Variants in ALPK1 observed in about 807,000 individuals in gnomAD.
The protein encoded by ALPK1 is alpha kinase 1.
A neutral mutation model predicts 120.6 loss-of-function variants in ALPK1; 110 were observed. The observed-to-expected ratio is 0.91, with a 90% CI of 0.78 to 1.07. The LOEUF (loss-of-function observed/expected upper bound fraction) is 1.07, where lower values mean the gene tolerates loss of function less well. ALPK1 is among the 50% of genes least tolerant of loss of function. The probability of loss-of-function intolerance (pLI) is 0.00; values close to 1 mark genes in which losing one functional copy is unlikely to be tolerated. For synonymous variants in ALPK1, 582 were observed against 560.3 expected, an observed-to-expected ratio of 1.04 and a Z score of -0.55; for missense variants, 1,498 against 1,483.9, an observed-to-expected ratio of 1.01 and a Z score of -0.16.
intron 3 of ALPK1, among the ~76,000 whole-genome samples, chr4:112,379,806 A>G (rs368223424): frequency 6.6e-6 from 1 of 152,338 alleles, no homozygotes; most frequent in African/African-American, 2.4e-5. Context: ...GAAGGAACTG[A>G]AATCCAGAGA....
At chr4:112,342,203 T>G (rs150681953) in intron 2 of ALPK1, among the ~76,000 whole-genome samples, 19 of 152,330 alleles carry the variant, frequency 1.2e-4, no homozygotes, top group African/African-American at 4.3e-4. Context: ...TTGTTGCTGT[T>G]GTACACAATG....
intron 1 of ALPK1, among the ~76,000 whole-genome samples, chr4:112,300,755 A>C (rs1257255432): frequency 6.6e-6 from 1 of 151,272 alleles, no homozygotes; most frequent in Non-Finnish European, 1.5e-5. Context: ...ACCTGTGTGC[A>C]AATAACCTCT....
intron 2 of ALPK1, among the ~76,000 whole-genome samples, chr4:112,373,567 C>T (rs1275101389): frequency 7.2e-5 from 11 of 152,164 alleles, no homozygotes; most frequent in African/African-American, 1.4e-4. Flanking sequence ...CAGTTCCAAC[C>T]GTCTGCACAG....
At chr4:112,304,152 A>C (rs1727917859) in intron 1 of ALPK1, among the ~76,000 whole-genome samples, 1 of 152,106 alleles carries the variant, frequency 6.6e-6, no homozygotes, top group South Asian at 2.1e-4. Flanking sequence ...TCTATCATTG[A>C]TGGACACTTG....
At chr4:112,423,825 T>C in intron 5 of ALPK1, 119 bp from the exon 6 acceptor site, 2 of 879,254 alleles carry the variant, frequency 2.3e-6, no homozygotes, top group Admixed American at 1.9e-5. Context: ...TAAAATGGAA[T>C]GCTTCCAAAG....
At chr4:112,298,066 A>G (rs1727622230) in intron 1 of ALPK1, among the ~76,000 whole-genome samples, 1 of 152,202 alleles carries the variant, frequency 6.6e-6, no homozygotes, top group South Asian at 2.1e-4. Flanking sequence ...ATGTCTATTT[A>G]GAAAAATCCT....
At chr4:112,358,618 G>T in intron 2 of ALPK1, 1 of 722,250 alleles carries the variant, frequency 1.4e-6, no homozygotes, top group Admixed American at 2.1e-5. Flanking sequence ...ACAGCGAACA[G>T]TGGGCTGGGG....
intron 12 of ALPK1, among the ~76,000 whole-genome samples, chr4:112,437,149 T>A (rs555644615): frequency 2.9e-4 from 44 of 152,022 alleles, no homozygotes; most frequent in Non-Finnish European, 6.3e-4. Flanking sequence ...TTAAAAGCAG[T>A]CAAAGAAAAT....
chr4:112,309,303 A>T (rs1393984860), intron 1 of ALPK1, among the ~76,000 whole-genome samples: 1 of 152,112 alleles, frequency 6.6e-6, no homozygotes, highest in Non-Finnish European at 1.5e-5. Context: ...AAGTCTGCCG[A>T]GGTTTCTGCT....
chr4:112,374,798 A>C (rs1731579859), intron 2 of ALPK1, among the ~76,000 whole-genome samples: 1 of 152,218 alleles, frequency 6.6e-6, no homozygotes, highest in African/African-American at 2.4e-5. Context: ...GAGCAGTAAT[A>C]TTTTGAAGGA....
At chr4:112,420,711 A>G (rs1419045262) in intron 5 of ALPK1, among the ~76,000 whole-genome samples, 1 of 152,236 alleles carries the variant, frequency 6.6e-6, no homozygotes, top group Non-Finnish European at 1.5e-5. Flanking sequence ...TGTGAGGACA[A>G]GAATTATTTC....
At chr4:112,326,289 G>A (rs1201456640) in intron 2 of ALPK1, among the ~76,000 whole-genome samples, 10 of 152,148 alleles carry the variant, frequency 6.6e-5, no homozygotes. Context: ...GTTGTGCTAA[G>A]ATTTTATCTT....
At chr4:112,354,418 T>A (rs1469947168) in intron 2 of ALPK1, among the ~76,000 whole-genome samples, 1 of 152,194 alleles carries the variant, frequency 6.6e-6, no homozygotes, top group Non-Finnish European at 1.5e-5. Context: ...CAAGTTCCCG[T>A]ATATATGTAA....
intron 1 of ALPK1, among the ~76,000 whole-genome samples, chr4:112,302,755 A>AACAG (rs928083734): frequency 2.0e-5 from 3 of 151,140 alleles, no homozygotes; most frequent in African/African-American, 7.3e-5. Context: ...CAAACAAACA[A>AACAG]ACCCCTTTTT....
At chr4:112,299,085 T>A (rs1289001468) in intron 1 of ALPK1, among the ~76,000 whole-genome samples, 1 of 152,148 alleles carries the variant, frequency 6.6e-6, no homozygotes, top group Admixed American at 6.5e-5. Flanking sequence ...TTTTTGTTTT[T>A]TTTGTATTTT....
chr4:112,387,651 G>T (rs1428339082), intron 4 of ALPK1, among the ~76,000 whole-genome samples: 1 of 152,130 alleles, frequency 6.6e-6, no homozygotes, highest in African/African-American at 2.4e-5. Flanking sequence ...AAGTGTCTGT[G>T]GTGCCCTGGA....
chr4:112,343,314 G>C (rs1252245358), intron 2 of ALPK1: 1 of 152,060 alleles, frequency 6.6e-6, no homozygotes, highest in South Asian at 2.1e-4. Flanking sequence ...TTAATTTTTG[G>C]TGAAATCAGT....
chr4:112,338,404 T>C (rs1360310320), intron 2 of ALPK1, among the ~76,000 whole-genome samples: 1 of 152,214 alleles, frequency 6.6e-6, no homozygotes, highest in Non-Finnish European at 1.5e-5. Context: ...CTACCTTGTT[T>C]AAATTAGAAA....
At chr4:112,392,394 T>G (rs1011605315) in intron 4 of ALPK1, among the ~76,000 whole-genome samples, 3 of 152,236 alleles carry the variant, frequency 2.0e-5, no homozygotes, top group East Asian at 3.8e-4. Flanking sequence ...TCCTCTTAGA[T>G]GTCTCTCAAA....
Sources: gnomAD v4.1 joint callset for allele counts (sites outside exome capture counted in the v4.1 genomes callset) on GRCh38, gnomAD v4.1.1 for gene constraint, MANE v1.5 for transcripts, NCBI Gene and HGNC (gene_info 2026-07-23, HGNC 2026-07-21) for gene names.